The following DMRT1 variants were observed in gnomAD, a reference collection of about 807,000 sequenced individuals.
DMRT1 encodes the protein doublesex and mab-3 related transcription factor 1, also known as doublesex- and mab-3-related transcription factor 1.
A neutral mutation model predicts 32.3 loss-of-function variants in DMRT1; 7 were observed. That is an observed-to-expected ratio of 0.22 (90% CI 0.12 to 0.41). The LOEUF (loss-of-function observed/expected upper bound fraction) is 0.41, where lower values mean the gene tolerates loss of function less well. Among genes scored for constraint, DMRT1 ranks in the 10% least tolerant of loss-of-function variants. The probability of loss-of-function intolerance (pLI) is 1.00; values close to 1 mark genes in which losing one functional copy is unlikely to be tolerated. For synonymous variants in DMRT1, 278 were observed against 206.1 expected (o/e 1.35, Z -2.99); for missense variants, 625 against 500.5 (o/e 1.25, Z -2.37).
intron 3 of DMRT1, among the ~76,000 whole-genome samples, chr9:905,813 G>T (rs1012478018): frequency 6.6e-6 from 1 of 152,122 alleles, no homozygotes; most frequent in African/African-American, 2.4e-5. Flanking sequence ...AGGAAACTGG[G>T]GCTCAGGGAG....
At chr9:947,849 G>T (rs1005275905) in intron 4 of DMRT1, among the ~76,000 whole-genome samples, 1 of 152,118 alleles carries the variant, frequency 6.6e-6, no homozygotes, top group Non-Finnish European at 1.5e-5. Context: ...ATTTCCTGTC[G>T]CTGGAGTCAT....
chr9:928,254 C>A (rs781563367), intron 4 of DMRT1, among the ~76,000 whole-genome samples: 12 of 152,228 alleles, frequency 7.9e-5, no homozygotes, highest in Non-Finnish European at 1.5e-4. Context: ...GCAGCCGGCT[C>A]TGCAGTCCCA....
At chr9:898,073 A>G (rs949973569) in intron 3 of DMRT1, among the ~76,000 whole-genome samples, 32 of 152,276 alleles carry the variant, frequency 2.1e-4, no homozygotes, top group Non-Finnish European at 2.4e-4. Context: ...GAGAAACTGG[A>G]TGGCTCACTT....
intron 2 of DMRT1, among the ~76,000 whole-genome samples, chr9:863,225 G>A (rs1490449125): frequency 2.0e-5 from 3 of 151,580 alleles, no homozygotes; most frequent in Non-Finnish European, 2.9e-5. Flanking sequence ...GGCTGAGGTG[G>A]GAGGATTGCC....
At position 855,707 on chromosome 9, in the gene DMRT1, C is replaced by T. The variant is rs117266987; in HGVS notation, c.538+8564C>T. ...CCATCTTGGCTCACTGCTGCCTTGACCTCCTGGGCTCAGCAATTCTTCCAC... is the reference window on the plus strand; with the variant it reads ...CCATCTTGGCTCACTGCTGCCTTGATCTCCTGGGCTCAGCAATTCTTCCAC... On this transcript the variant is annotated intron_variant, in intron 2 of 4. Coordinates refer to ENST00000382276, the MANE Select transcript of DMRT1 (RefSeq NM_021951.3). Among the ~76,000 whole-genome samples the T allele has an allele frequency of 2.4e-4, 36 of 152,358 alleles. No individual in the cohort carries two copies. In the East Asian group the frequency reaches 6.4e-3, roughly 27 times the overall value.
chr9:850,034 G>C (rs1329610111), intron 2 of DMRT1, among the ~76,000 whole-genome samples: 1 of 152,162 alleles, frequency 6.6e-6, no homozygotes, highest in African/African-American at 2.4e-5. Flanking sequence ...GGTCAGGCTG[G>C]TCTCGAACTC....
intron 2 of DMRT1, among the ~76,000 whole-genome samples, chr9:890,083 G>GGGTTCTTTTTTTTTTTT (rs1273507545): frequency 9.2e-6 from 1 of 108,886 alleles, no homozygotes; most frequent in African/African-American, 3.2e-5. Flanking sequence ...GCCACCAAAC[G>GGGTTCTTTTTTTTTTTT]TGTTTTTTTT....
intron 3 of DMRT1, among the ~76,000 whole-genome samples, chr9:898,002 G>T (rs909284031): frequency 6.6e-6 from 1 of 152,170 alleles, no homozygotes; most frequent in Non-Finnish European, 1.5e-5. Context: ...ATGTTATAAA[G>T]AAGTATTAAA....
chr9:936,966 C>A (rs191976629), intron 4 of DMRT1, among the ~76,000 whole-genome samples: 1 of 152,232 alleles, frequency 6.6e-6, no homozygotes. Flanking sequence ...TCATTCCAAA[C>A]AGAAACTCTT....
chr9:918,237 A>G (rs1818244650), intron 4 of DMRT1, among the ~76,000 whole-genome samples: 1 of 152,250 alleles, frequency 6.6e-6, no homozygotes, highest in African/African-American at 2.4e-5. Flanking sequence ...CTGTCTGCAC[A>G]ATTTGGGGAT....
intron 1 of DMRT1, chr9:842,483 G>A (rs894607519): frequency 9.9e-6 from 4 of 403,274 alleles, no homozygotes; most frequent in Non-Finnish European, 1.3e-5. Context: ...TGATCCACCC[G>A]CCTCGGCCTC....
At chr9:935,855 G>C (rs754031739) in intron 4 of DMRT1, among the ~76,000 whole-genome samples, 9 of 152,206 alleles carry the variant, frequency 5.9e-5, no homozygotes, top group Non-Finnish European at 1.2e-4. Flanking sequence ...CAGATGATTT[G>C]TTCATTTTTT....
chr9:962,427 A>G (rs1161775374), intron 4 of DMRT1, among the ~76,000 whole-genome samples: 1 of 152,106 alleles, frequency 6.6e-6, no homozygotes, highest in Admixed American at 6.5e-5. Flanking sequence ...GGCTGCTGCC[A>G]TGGACATGTT....
rs1027451775 is a variant in DMRT1, at chr9:965,443, T to G, written c.968-2542T>G. ...TAGTCCATGCAGGTAATATTCTGCA[T>G]GCTTTGTGGCCCCACGTCGCAAGAG... On this transcript the variant is annotated intron_variant, in intron 4 of 4. Transcript: ENST00000382276. This position sits in a 1 kb window ranked among gnomAD's most constrained non-coding sequence, Gnocchi z 4.5. Among the ~76,000 whole-genome samples the G allele has an allele frequency of 6.6e-6, 1 of 152,250 alleles. No homozygotes were observed. The highest frequency in any genetic ancestry group is 2.4e-5 in the African/African-American group (1 of 41,464).
chr9:893,784 C>A, intron 2 of DMRT1, 128 bp from the exon 3 acceptor site: 1 of 838,848 alleles, frequency 1.2e-6, no homozygotes. Flanking sequence ...GGAGAAGCAA[C>A]AGATGGTTTT....
At chr9:903,656 G>A (rs745775707) in intron 3 of DMRT1, among the ~76,000 whole-genome samples, 2 of 152,180 alleles carry the variant, frequency 1.3e-5, no homozygotes, top group Non-Finnish European at 2.9e-5. Context: ...TTGGGTTTAG[G>A]AATATCCCGT....
intron 4 of DMRT1, among the ~76,000 whole-genome samples, chr9:932,321 C>A (rs1163611204): frequency 1.3e-5 from 2 of 152,150 alleles, no homozygotes; most frequent in Non-Finnish European, 2.9e-5. Flanking sequence ...GCAGATACAG[C>A]AGAATTTGGG....
chr9:960,422 C>T (rs771291063), intron 4 of DMRT1, among the ~76,000 whole-genome samples: 1 of 152,166 alleles, frequency 6.6e-6, no homozygotes, highest in African/African-American at 2.4e-5. Context: ...ACAATTCTTT[C>T]CTGGAGAAGA....
At chr9:846,826 A>C in intron 1 of DMRT1, 134 bp from the exon 2 acceptor site, 1 of 1,144,422 alleles carries the variant, frequency 8.7e-7, no homozygotes, top group South Asian at 1.3e-5. Context: ...GGTGGGTTTA[A>C]GAAGAAATGG....
Sources: gnomAD v4.1 joint callset for allele counts (sites outside exome capture counted in the v4.1 genomes callset) on GRCh38, gnomAD v4.1.1 for gene constraint, Gnocchi (gnomAD v3.1) non-coding constraint, MANE v1.5 for transcripts, NCBI Gene and HGNC (gene_info 2026-07-23, HGNC 2026-07-21) for gene names.